Variants in TNPO3 observed in about 807,000 individuals in gnomAD.
The protein encoded by TNPO3 is transportin 3.
In TNPO3, 65 loss-of-function variants were observed where a neutral mutation model predicts 122.8. The ratio of observed to expected loss-of-function variants is 0.53; its 90% CI spans 0.43 to 0.65. TNPO3 has a LOEUF of 0.65. TNPO3 is among the 30% of genes least tolerant of loss of function. The pLI is 0.00. For synonymous variants in TNPO3, 372 were observed against 411.2 expected, an observed-to-expected ratio of 0.90 and a Z score of 1.15; for missense variants, 850 against 1,136.7, an observed-to-expected ratio of 0.75 and a Z score of 3.63.
Position 129,055,060 on chromosome 7 carries a change from C to T in TNPO3, c.-290G>A. Reference sequence around the variant, plus strand: ...CTCCCGTCTTCAGTCGCTGACTTGCCCTCAGAAGCCTATCTTGGGAGGCCA... The same window carrying T: ...CTCCCGTCTTCAGTCGCTGACTTGCTCTCAGAAGCCTATCTTGGGAGGCCA... On this transcript the variant is annotated 5_prime_UTR_variant, in exon 1 of 23. Coordinates refer to ENST00000265388, the MANE Select transcript of TNPO3 (RefSeq NM_012470.4). 5.0e-6 allele frequency: 2 copies of T among 398,688 alleles called. No individual in the cohort carries two copies. Among genetic ancestry groups the T allele is most frequent in the South Asian group, 4.9e-5 (2 of 40,558 alleles). The allele number at this position is 398,688 out of a possible 1,614,324, so 24.7% of individuals were successfully genotyped here. A position where few individuals can be genotyped will look rare whatever the true frequency, so the allele number is the denominator to read the frequency against.
At chr7:129,004,242 C>T (rs529459875) in intron 5 of TNPO3, among the ~76,000 whole-genome samples, 8 of 152,274 alleles carry the variant, frequency 5.3e-5, no homozygotes, top group East Asian at 1.9e-4. Flanking sequence ...AATAGCGCAT[C>T]GGCATACATT....
intron 20 of TNPO3, among the ~76,000 whole-genome samples, chr7:128,967,767 C>T (rs1045184551): frequency 8.5e-5 from 13 of 152,090 alleles, no homozygotes; most frequent in African/African-American, 1.9e-4. Flanking sequence ...CACACACACT[C>T]GCTCTCTCTT....
chr7:128,979,123 T>A lies in TNPO3; in HGVS notation c.1921A>T (p.Ile641Leu). The A allele has an allele frequency of 6.2e-7, 1 of 1,613,878 alleles. No individual in the cohort carries two copies. The highest frequency in any genetic ancestry group is 8.5e-7 in the Non-Finnish European group (1 of 1,179,878). The change falls in exon 16 of 23, where the codon ATA becomes TTA. Residue 641 changes from isoleucine to leucine, a missense_variant and splice_region_variant. Transcript: ENST00000265388. ...AGAGTCTCGGATAAAACTGGCCATA[T>A]CTGGGTCAAAAGTAAAAGAGCACAA... ...THPCQKVIQE[I>L]WPVLSETLNK...
At chr7:129,008,334 A>G (rs1355521588) in intron 4 of TNPO3, among the ~76,000 whole-genome samples, 1 of 151,990 alleles carries the variant, frequency 6.6e-6, no homozygotes, top group Non-Finnish European at 1.5e-5. Flanking sequence ...CTGAGCAACA[A>G]AGTTAAGACC....
chr7:128,962,591 G>A (rs558924676), intron 21 of TNPO3, among the ~76,000 whole-genome samples: 1 of 152,298 alleles, frequency 6.6e-6, no homozygotes, highest in African/African-American at 2.4e-5. Context: ...TCTACTACAG[G>A]CATTCTAGAG....
chr7:128,988,899 C>A (rs974384055), intron 11 of TNPO3, among the ~76,000 whole-genome samples: 1 of 151,858 alleles, frequency 6.6e-6, no homozygotes, highest in Non-Finnish European at 1.5e-5. Flanking sequence ...CCCAACATAG[C>A]GAAACCCTGT....
chr7:128,962,178 A>T (rs1439250897), intron 21 of TNPO3, among the ~76,000 whole-genome samples: 1 of 151,974 alleles, frequency 6.6e-6, no homozygotes, highest in East Asian at 1.9e-4. Context: ...ATCCTGGCTA[A>T]CAAGGTGAAA....
At position 128,972,437 on chromosome 7, in the gene TNPO3, C is replaced by T; in HGVS notation, c.2419G>A (p.Val807Ile). 6.2e-7 allele frequency: 1 copy of T among 1,613,070 alleles called. No homozygotes were observed. The highest frequency in any genetic ancestry group is 8.5e-7 in the Non-Finnish European group (1 of 1,179,602). ...RFLRDLIHTG[V>I]ANDHEEDFEL... ...ATTTTTATACTTACATCATTGGCTA[C>T]CCCTGTATGAATGAGGTCTCGTAGA... The change falls in exon 19 of 23, where the codon GTA becomes ATA. Residue 807 changes from valine (V) to isoleucine (I), a missense_variant. Coordinates refer to ENST00000265388, the MANE Select transcript of TNPO3 (RefSeq NM_012470.4).
At chr7:128,974,603 A>C (rs1439298240) in intron 18 of TNPO3, among the ~76,000 whole-genome samples, 1 of 152,118 alleles carries the variant, frequency 6.6e-6, no homozygotes, top group Non-Finnish European at 1.5e-5. Context: ...GATCTAGTCA[A>C]GTGTTTTGCC....
At chr7:128,984,399 T>C (rs1799938465) in intron 12 of TNPO3, 140 bp from the exon 13 acceptor site, 1 of 510,330 alleles carries the variant, frequency 2.0e-6, no homozygotes, top group Admixed American at 3.7e-5. Context: ...TTTTTTAAAA[T>C]GACAACACTT....
At chr7:129,037,734 C>T (rs1229874347) in intron 1 of TNPO3, among the ~76,000 whole-genome samples, 1 of 152,032 alleles carries the variant, frequency 6.6e-6, no homozygotes, top group East Asian at 1.9e-4. Flanking sequence ...AGCATGTCAC[C>T]CTCAAAGTAC....
intron 8 of TNPO3, 76 bp downstream of exon 8, chr7:128,997,313 C>T (rs1801438186): frequency 6.5e-7 from 1 of 1,540,538 alleles, no homozygotes. Context: ...TATTATCTAT[C>T]TTCTCAGTTC....
At chr7:128,961,405 G>A (rs1266454885) in intron 21 of TNPO3, among the ~76,000 whole-genome samples, 1 of 152,106 alleles carries the variant, frequency 6.6e-6, no homozygotes, top group African/African-American at 2.4e-5. Context: ...TAGCCTAGGA[G>A]CAATAGGCTA....
chr7:129,050,428 G>A (rs1808616570), intron 1 of TNPO3, among the ~76,000 whole-genome samples: 2 of 148,486 alleles, frequency 1.3e-5, no homozygotes, highest in African/African-American at 5.0e-5. Flanking sequence ...GGCTAGTAAT[G>A]CAGCCTTAAA....
At chr7:128,998,008 T>A (rs1445348155) in intron 7 of TNPO3, among the ~76,000 whole-genome samples, 1 of 136,814 alleles carries the variant, frequency 7.3e-6, no homozygotes, top group East Asian at 2.3e-4. Context: ...CAGCTAATTT[T>A]TTTTTTTTTT....
chr7:129,055,865 G>T (rs1340749144), upstream of TNPO3: 22 of 591,338 alleles, frequency 3.7e-5, no homozygotes, highest in East Asian at 5.9e-4. Context: ...CTAGTCCTTT[G>T]CACTAGTAAA....
At chr7:129,003,178 G>A (rs534088000) in intron 5 of TNPO3, among the ~76,000 whole-genome samples, 1 of 150,896 alleles carries the variant, frequency 6.6e-6, no homozygotes, top group South Asian at 2.1e-4. Context: ...AGCCGAGATT[G>A]TGCCACTGCA....
chr7:128,956,839 C>T (rs1378175969), intron 22 of TNPO3, among the ~76,000 whole-genome samples: 1 of 152,150 alleles, frequency 6.6e-6, no homozygotes, highest in Non-Finnish European at 1.5e-5. Flanking sequence ...GAGACTGGCA[C>T]CACATATAAC....
chr7:128,986,281 C>G (rs1309477201), intron 12 of TNPO3, among the ~76,000 whole-genome samples: 2 of 152,188 alleles, frequency 1.3e-5, no homozygotes. Context: ...TAGACAATCA[C>G]TCAGTATAAG....
Sources: gnomAD v4.1 joint callset for allele counts (sites outside exome capture counted in the v4.1 genomes callset) on GRCh38, gnomAD v4.1.1 for gene constraint, MANE v1.5 for transcripts, NCBI Gene and HGNC (gene_info 2026-07-23, HGNC 2026-07-21) for gene names.